IFT88: variants seen among roughly 807,000 people sequenced by gnomAD.
The protein encoded by IFT88 is intraflagellar transport 88.
IFT88 carries 74 observed loss-of-function variants against 119.5 expected under a neutral mutation model. That is an observed-to-expected ratio of 0.62 (90% CI 0.51 to 0.75). IFT88 has a LOEUF of 0.75. IFT88 is among the 30% of genes least tolerant of loss of function. The pLI, the probability that IFT88 is intolerant of heterozygous loss-of-function variation, is 0.00. For synonymous variants in IFT88, 279 were observed against 316.7 expected (o/e 0.88, Z 1.26); for missense variants, 961 against 977.7 (o/e 0.98, Z 0.23).
At chr13:20,652,615 GAAAA>G (rs532663523) in intron 20 of IFT88, among the ~76,000 whole-genome samples, 80 of 138,174 alleles carry the variant, frequency 5.8e-4, no homozygotes, top group African/African-American at 2.0e-3. Flanking sequence ...GACCCTGTCT[GAAAA>G]AAAAAAAAAG....
Position 20,644,876 on chromosome 13 carries a change from A to G in IFT88, c.1867A>G (p.Ile623Val), listed in dbSNP as rs2050497345. 2.5e-6 allele frequency: 4 copies of G among 1,594,986 alleles called. No homozygotes were observed. Among genetic ancestry groups the G allele is most frequent in the African/African-American group, 1.3e-5 (1 of 74,508 alleles). ...YRYFPCNIEV[I>V]EWLGAYYIDT... ...GTATTTTCCTTGTAATATTGAAGTC[A>G]TTGAGTGGCTTGGAGCCTATTACAT... The change falls in exon 20 of 26, where the codon ATT (isoleucine) becomes GTT (valine). Residue 623 changes from isoleucine (I) to valine (V), a missense_variant. Coordinates refer to ENST00000351808, the MANE Select transcript of IFT88 (RefSeq NM_006531.5).
chr13:20,626,351 C>T (rs904088319), intron 15 of IFT88, among the ~76,000 whole-genome samples: 5 of 152,212 alleles, frequency 3.3e-5, no homozygotes, highest in Middle Eastern at 3.4e-3. Context: ...TGAGCCACCG[C>T]GCCCAGCTGT....
chr13:20,654,453 T>C (rs566430159), intron 21 of IFT88, among the ~76,000 whole-genome samples: 3 of 152,346 alleles, frequency 2.0e-5, no homozygotes, highest in African/African-American at 7.2e-5. Context: ...GCTATTAGTT[T>C]TAGGCTAACT....
chr13:20,625,719 CA>C, intron 14 of IFT88, 30 bp from the exon 15 acceptor site: 1 of 1,474,882 alleles, frequency 6.8e-7, no homozygotes, highest in Non-Finnish European at 9.3e-7. Flanking sequence ...AAAACAAAAT[CA>C]AGTAAGGTTT....
At chr13:20,608,195 C>T (rs1353555913) in intron 13 of IFT88, 1 of 289,730 alleles carries the variant, frequency 3.5e-6, no homozygotes, top group Non-Finnish European at 6.9e-6. Context: ...CGACGGCTTC[C>T]CCTGCCCCCA....
chr13:20,682,421 C>T (rs1307873143), intron 24 of IFT88, among the ~76,000 whole-genome samples: 1 of 152,216 alleles, frequency 6.6e-6, no homozygotes, highest in African/African-American at 2.4e-5. Flanking sequence ...CTAGGATCTC[C>T]TCTAAGGATA....
chr13:20,621,102 G>A (rs1220248987), intron 14 of IFT88, among the ~76,000 whole-genome samples: 1 of 150,636 alleles, frequency 6.6e-6, no homozygotes, highest in African/African-American at 2.4e-5. Context: ...GTCTTGCTCT[G>A]TCACCCAGGC....
At chr13:20,567,780 C>G in intron 1 of IFT88, 1 of 1,341,470 alleles carries the variant, frequency 7.5e-7, no homozygotes, top group Non-Finnish European at 9.6e-7. Context: ...ATTCCAAAAA[C>G]GTGAAGTACT....
chr13:20,593,273 C>A lies in IFT88; in HGVS notation c.398+869C>A, dbSNP rs1249053947. ...AAATAGTAATAAAAGCTAACATTAA[C>A]TGAGTCCTTGCTGTGTGCCAGGCAC... On this transcript the variant is annotated intron_variant, in intron 7 of 25. Coordinates refer to ENST00000351808, the MANE Select transcript of IFT88 (RefSeq NM_006531.5). Among the ~76,000 whole-genome samples the A allele has an allele frequency of 4.6e-5, 7 of 152,152 alleles. No individual in the cohort carries two copies. In the South Asian group the frequency reaches 1.4e-3, roughly 32 times the overall value.
rs1297131976 is a variant in IFT88 at position 20,599,514 on chromosome 13, A to G, written c.761A>G (p.Lys254Arg). 5 of 1,560,012 alleles carry G rather than the reference A, an allele frequency of 3.2e-6. No individual in the cohort carries two copies. The highest frequency in any genetic ancestry group is 4.4e-6 in the Non-Finnish European group (5 of 1,140,246). Reference sequence around the variant, plus strand: ...CAAAGAAATTATTCCAAAGCCATTAAATTCTACCGAATGGCATTAGACCAA... The same window carrying G: ...CAAAGAAATTATTCCAAAGCCATTAGATTCTACCGAATGGCATTAGACCAA... The part of the protein sequence containing the change: ...LKQRNYSKAI[K>R]FYRMALDQVP... The change falls in exon 11 of 26, where the codon AAA (lysine) becomes AGA (arginine). Residue 254 changes from lysine (K) to arginine (R), a missense_variant. Coordinates refer to ENST00000351808, the MANE Select transcript of IFT88 (RefSeq NM_006531.5).
intron 1 of IFT88, chr13:20,568,138 C>A: frequency 1.7e-6 from 1 of 580,642 alleles, no homozygotes; most frequent in Admixed American, 2.7e-5. Flanking sequence ...AGTAGACTGT[C>A]CATAGTCAGT....
chr13:20,681,062 A>G (rs2057274064), intron 24 of IFT88, among the ~76,000 whole-genome samples: 2 of 152,104 alleles, frequency 1.3e-5, no homozygotes, highest in African/African-American at 4.8e-5. Flanking sequence ...TGCAATTGTC[A>G]TTTTAGGGAG....
intron 7 of IFT88, 128 bp downstream of exon 7, chr13:20,592,532 C>T (rs557694325): frequency 2.6e-5 from 16 of 611,900 alleles, no homozygotes; most frequent in Admixed American, 2.3e-4. Flanking sequence ...TGCAGTGATG[C>T]GATCTTGGCT....
chr13:20,641,022 A>C (rs1280001147), intron 17 of IFT88, among the ~76,000 whole-genome samples: 8 of 152,036 alleles, frequency 5.3e-5, no homozygotes, highest in Non-Finnish European at 1.2e-4. Flanking sequence ...TAGCACGTGC[A>C]TATAATCCTA....
chr13:20,680,326 T>C (rs573180735), intron 24 of IFT88, among the ~76,000 whole-genome samples: 1 of 152,264 alleles, frequency 6.6e-6, no homozygotes, highest in African/African-American at 2.4e-5. Context: ...TAATAGTTCC[T>C]TCCTCTTAGG....
intron 22 of IFT88, 60 bp downstream of exon 22, chr13:20,656,490 T>C: frequency 1.3e-6 from 1 of 743,348 alleles, no homozygotes; most frequent in Non-Finnish European, 2.2e-6. Flanking sequence ...TATGTTCTAA[T>C]ATATAATTAC....
intron 13 of IFT88, among the ~76,000 whole-genome samples, chr13:20,608,327 G>A (rs57367436): frequency 0.043 from 6,539 of 152,304 alleles, 185 homozygotes; most frequent in Middle Eastern, 0.075. Context: ...AGGATGCGTT[G>A]CCTGCAGCAC....
chr13:20,574,292 C>A (rs1047935688), intron 1 of IFT88, 88 bp from the exon 2 acceptor site: 1 of 599,878 alleles, frequency 1.7e-6, no homozygotes. Context: ...TGCATTCCAG[C>A]CTGGGCAACA....
At chr13:20,580,659 A>G (rs147407245) in intron 2 of IFT88, among the ~76,000 whole-genome samples, 25 of 151,916 alleles carry the variant, frequency 1.6e-4, no homozygotes, top group African/African-American at 5.5e-4. Context: ...TTGATCAAAC[A>G]CTACCTGGGA....
Sources: gnomAD v4.1 joint callset for allele counts (sites outside exome capture counted in the v4.1 genomes callset) on GRCh38, gnomAD v4.1.1 for gene constraint, MANE v1.5 for transcripts, NCBI Gene and HGNC (gene_info 2026-07-23, HGNC 2026-07-21) for gene names.